Variants in LYL1 observed in about 807,000 individuals in gnomAD.
LYL1 encodes the protein protein lyl-1.
A neutral mutation model predicts 11.1 loss-of-function variants in LYL1; 4 were observed. The observed-to-expected ratio is 0.36, with a 90% CI of 0.18 to 0.82. LYL1 has a LOEUF of 0.82. LYL1 is among the 40% of genes least tolerant of loss of function. LYL1 has a pLI of 0.49. For missense variants in LYL1, 356 were observed against 397.6 expected, an observed-to-expected ratio of 0.90 and a Z score of 0.89; for synonymous variants, 179 against 174.8, an observed-to-expected ratio of 1.02 and a Z score of -0.19.
rs1173447565 is a variant in LYL1 at position 13,099,668 on chromosome 19, T to A, written c.494A>T (p.Asn165Ile). ...CAGCTCGGCGAAGGCGCCGTTAACG[T>A]TCTGCTGCCGCCAGCGCTCCCGGCT... ...TNSRERWRQQ[N>I]VNGAFAELRK... is the part of the protein sequence containing the mutation. The change falls in exon 4 of 4, where the codon AAC becomes ATC. Residue 165 changes from asparagine (N) to isoleucine (I), a missense_variant. Physicochemically the swap from Asn to Ile is moderately radical, Grantham distance 149 (BLOSUM62 -3). Coordinates refer to ENST00000264824, the MANE Select transcript of LYL1 (RefSeq NM_005583.5). This position sits in a 1 kb window ranked among gnomAD's most constrained non-coding sequence, Gnocchi z 5.3. 3 of 1,547,944 alleles carry A rather than the reference T, an allele frequency of 1.9e-6. No homozygotes were observed. The highest frequency in any genetic ancestry group is 2.6e-6 in the Non-Finnish European group (3 of 1,146,436).
Position 13,101,186 on chromosome 19 carries a change from G to A in LYL1, c.-15C>T, listed in dbSNP as rs1314218592. On this transcript the variant is annotated 5_prime_UTR_variant, in exon 2 of 4. Coordinates refer to ENST00000264824, the MANE Select transcript of LYL1 (RefSeq NM_005583.5). The surrounding 1 kb of genome is among the most constrained non-coding windows in gnomAD (Gnocchi z 5.1). ...GGCGGGCACATGGACCCCGACGTGG[G>A]GGTACTCACCTGTGGGAAAGAAGGC... 9.2e-6 allele frequency: 13 copies of A among 1,414,826 alleles called. No homozygotes were observed. The highest frequency in any genetic ancestry group is 1.2e-5 in the Non-Finnish European group (13 of 1,079,590). 87.6% of individuals were successfully genotyped at this position (1,414,826 alleles called of 1,614,324 possible).
At position 13,099,205 on chromosome 19, in the gene LYL1, C is replaced by A; in HGVS notation, c.*114G>T. The A allele has an allele frequency of 2.0e-6, 2 of 1,012,874 alleles. No individual in the cohort carries two copies. The highest frequency in any genetic ancestry group is 2.5e-6 in the Non-Finnish European group (2 of 790,414). The allele number at this position is 1,012,874 out of a possible 1,614,324, so 62.7% of individuals were successfully genotyped here. A position where few individuals can be genotyped will look rare whatever the true frequency, so the allele number is the denominator to read the frequency against. ...CCTTGCCCCTGACGTCTTCACTGGT[C>A]CTTCTTCGGGGGAGTTCGCTCCCGA... On this transcript the variant is annotated 3_prime_UTR_variant, in exon 4 of 4. Coordinates refer to ENST00000264824, the MANE Select transcript of LYL1 (RefSeq NM_005583.5). This position sits in a 1 kb window ranked among gnomAD's most constrained non-coding sequence, Gnocchi z 5.3.
chr19:13,101,298 G>C lies in LYL1; in HGVS notation c.-24-103C>G. 4.7e-6 allele frequency: 2 copies of C among 429,158 alleles called. No individual in the cohort carries two copies. The highest frequency in any genetic ancestry group is 3.7e-5 in the East Asian group (1 of 27,178). The allele number at this position is 429,158 out of a possible 1,614,324, so 26.6% of individuals were successfully genotyped here. A position where few individuals can be genotyped will look rare whatever the true frequency, so the allele number is the denominator to read the frequency against. On this transcript the variant is annotated intron_variant, in intron 1 of 3. Coordinates refer to ENST00000264824, the MANE Select transcript of LYL1 (RefSeq NM_005583.5). This position sits in a 1 kb window ranked among gnomAD's most constrained non-coding sequence, Gnocchi z 5.1. ...AATGGGAAGGAGGGAGGGGGAGGGG[G>C]AAAGGAGGAGGAGAGAAGTTTCAGT...
At chr19:13,100,508 G>A in intron 3 of LYL1, 149 bp downstream of exon 3, 1 of 791,324 alleles carries the variant, frequency 1.3e-6, no homozygotes, top group East Asian at 2.4e-5. Flanking sequence ...ACCTATGTGG[G>A]CTGTTCTCTG....
rs754740746 is a variant in LYL1, at chr19:13,099,542, C to T, written c.620G>A (p.Arg207His). The T allele has an allele frequency of 1.1e-5, 16 of 1,512,454 alleles. No homozygotes were observed. The South Asian group carries it at 1.9e-4, about 18-fold the overall frequency. 93.7% of individuals were successfully genotyped at this position (1,512,454 alleles called of 1,614,324 possible). ...KYIGFLVRLL[R>H]DQAAALAAGP... The stretch of plus-strand genomic sequence containing the variant: ...TGCGGCCAGAGCTGCGGCTTGGTCG[C>T]GCAGCAGCCGCACCAGGAAGCCGAT... The change falls in exon 4 of 4, where the codon CGC becomes CAC. Residue 207 changes from arginine to histidine, a missense_variant. Arg to His is a conservative substitution (Grantham distance 29). Transcript: ENST00000264824. The surrounding 1 kb of genome is among the most constrained non-coding windows in gnomAD (Gnocchi z 5.3).
chr19:13,100,716 A>T lies in LYL1; in HGVS notation c.368T>A (p.Ile123Asn). Residue 123 changes from isoleucine (I) to asparagine (N), a missense_variant, in exon 3 of 4, where the codon ATC (isoleucine) becomes AAC (asparagine). Coordinates refer to ENST00000264824, the MANE Select transcript of LYL1 (RefSeq NM_005583.5). ...CCGCTTCAACCGGCTGCTAGGGAAG[A>T]TGCTAAAAGGTCCTGCTGGCCCAAT... ...VYIGPAGPFS[I>N]FPSSRLKRRP... 1 of 1,614,206 alleles carries T rather than the reference A, an allele frequency of 6.2e-7. No individual in the cohort carries two copies. The highest frequency in any genetic ancestry group is 8.5e-7 in the Non-Finnish European group (1 of 1,180,030).
At position 13,101,199 on chromosome 19, in the gene LYL1, T is replaced by G. The variant is rs1599909529; in HGVS notation, c.-24-4A>C. On this transcript the variant is annotated splice_polypyrimidine_tract_variant and splice_region_variant and intron_variant, in intron 1 of 3. Transcript: ENST00000264824. This position sits in a 1 kb window ranked among gnomAD's most constrained non-coding sequence, Gnocchi z 5.1. ...ACCCCGACGTGGGGGTACTCACCTG[T>G]GGGAAAGAAGGCAGCCAGTGGGGAG... 1 of 1,330,546 alleles carries G rather than the reference T, an allele frequency of 7.5e-7. No homozygotes were observed. The allele number at this position is 1,330,546 out of a possible 1,614,324, so 82.4% of individuals were successfully genotyped here. A position where few individuals can be genotyped will look rare whatever the true frequency, so the allele number is the denominator to read the frequency against.
In LYL1 at chr19:13,099,655, G is replaced by T. The variant is rs746073886; in HGVS notation, c.507C>A (p.Ala169=). ...ERWRQQNVNG[A]FAELRKLLPT... Reference sequence around the variant, plus strand: ...GCAGCAGCTTCCTCAGCTCGGCGAAGGCGCCGTTAACGTTCTGCTGCCGCC... The same window carrying T: ...GCAGCAGCTTCCTCAGCTCGGCGAATGCGCCGTTAACGTTCTGCTGCCGCC... Residue 169 remains alanine, a synonymous_variant, in exon 4 of 4, where the codon GCC becomes GCA. Coordinates refer to ENST00000264824, the MANE Select transcript of LYL1 (RefSeq NM_005583.5). This position sits in a 1 kb window ranked among gnomAD's most constrained non-coding sequence, Gnocchi z 5.3. 18 of 1,553,528 alleles carry T rather than the reference G, an allele frequency of 1.2e-5. No homozygotes were observed. The South Asian group carries it at 2.0e-4, about 18-fold the overall frequency.
At position 13,099,450 on chromosome 19, in the gene LYL1, C is replaced by T; in HGVS notation, c.712G>A (p.Gly238Arg). The change falls in exon 4 of 4, where the codon GGA becomes AGA. Residue 238 changes from glycine (G) to arginine (R), a missense_variant. Coordinates refer to ENST00000264824, the MANE Select transcript of LYL1 (RefSeq NM_005583.5). The surrounding 1 kb of genome is among the most constrained non-coding windows in gnomAD (Gnocchi z 5.3). ...HRVPDDGARR[G>R]SGRRAEAAAR... ...GCCGCCTCGGCCCTGCGTCCGGATCCCCGGCGGGCGCCGTCGTCTGGGACC... is the reference window on the plus strand; with the variant it reads ...GCCGCCTCGGCCCTGCGTCCGGATCTCCGGCGGGCGCCGTCGTCTGGGACC... The T allele has an allele frequency of 8.0e-7, 1 of 1,257,102 alleles. No individual in the cohort carries two copies. Among genetic ancestry groups the T allele is most frequent in the Non-Finnish European group, 1.0e-6 (1 of 994,906 alleles). 77.9% of individuals were successfully genotyped at this position (1,257,102 alleles called of 1,614,324 possible). A position where few individuals can be genotyped will look rare whatever the true frequency, so the allele number is the denominator to read the frequency against.
rs781499400 is a variant in LYL1, at chr19:13,099,652, G to C, written c.510C>G (p.Phe170Leu). 6.4e-7 allele frequency: 1 copy of C among 1,553,376 alleles called. No homozygotes were observed. Among genetic ancestry groups the C allele is most frequent in the African/African-American group, 1.4e-5 (1 of 73,348 alleles). The change falls in exon 4 of 4, where the codon TTC becomes TTG. Residue 170 changes from phenylalanine to leucine, a missense_variant. Transcript: ENST00000264824. The surrounding 1 kb of genome is among the most constrained non-coding windows in gnomAD (Gnocchi z 5.3). ...RWRQQNVNGA[F>L]AELRKLLPTH... ...TCGGCAGCAGCTTCCTCAGCTCGGC[G>C]AAGGCGCCGTTAACGTTCTGCTGCC...
rs1233279438 is a variant in LYL1, at chr19:13,102,794, C to G, written c.-288G>C. 3 of 152,622 alleles carry G rather than the reference C, an allele frequency of 2.0e-5. No individual in the cohort carries two copies. The highest frequency in any genetic ancestry group is 2.9e-5 in the Non-Finnish European group (2 of 68,320). The allele number at this position is 152,622 out of a possible 1,614,324, so 9.5% of individuals were successfully genotyped here. A position where few individuals can be genotyped will look rare whatever the true frequency, so the allele number is the denominator to read the frequency against. Reference sequence around the variant, plus strand: ...CGCCTTCTCCCCGCCCCCGGCGGCCCGGTTTCCTCCCTCTCACCCCTGGCG... The same window carrying G: ...CGCCTTCTCCCCGCCCCCGGCGGCCGGGTTTCCTCCCTCTCACCCCTGGCG... On this transcript the variant is annotated 5_prime_UTR_variant, in exon 1 of 4. Coordinates refer to ENST00000264824, the MANE Select transcript of LYL1 (RefSeq NM_005583.5). This position sits in a 1 kb window ranked among gnomAD's most constrained non-coding sequence, Gnocchi z 4.9.
chr19:13,100,539 C>T (rs2018670395), intron 3 of LYL1, 118 bp downstream of exon 3: 1 of 957,486 alleles, frequency 1.0e-6, no homozygotes, highest in Non-Finnish European at 1.7e-6. Context: ...AAGCACGTCT[C>T]CCCGAGGTGG....
rs1410432254 is a variant in LYL1 at position 13,102,462 on chromosome 19, A to T, written c.-25+69T>A. The T allele has an allele frequency of 5.5e-6, 1 of 183,222 alleles. No individual in the cohort carries two copies. Among genetic ancestry groups the T allele is most frequent in the Non-Finnish European group, 1.2e-5 (1 of 86,122 alleles). 11.3% of individuals were successfully genotyped at this position (183,222 alleles called of 1,614,324 possible). ...TGCTGGTGAATGAATGAATGAAGGA[A>T]TGAACAAAGGAATGCAGGCTGGGTC... On this transcript the variant is annotated intron_variant, in intron 1 of 3. Coordinates refer to ENST00000264824, the MANE Select transcript of LYL1 (RefSeq NM_005583.5). The surrounding 1 kb of genome is among the most constrained non-coding windows in gnomAD (Gnocchi z 4.9).
rs2018696156 is a variant in LYL1 at position 13,102,255 on chromosome 19, C to T, written c.-25+276G>A. On this transcript the variant is annotated intron_variant, in intron 1 of 3. Coordinates refer to ENST00000264824, the MANE Select transcript of LYL1 (RefSeq NM_005583.5). This position sits in a 1 kb window ranked among gnomAD's most constrained non-coding sequence, Gnocchi z 4.9. ...TCAGCCTCCCAAAGTGCTGGGATTA[C>T]AGGCATGCACCACAATGCCCCGCGA... 4.9e-6 allele frequency: 1 copy of T among 202,722 alleles called. No homozygotes were observed. The highest frequency in any genetic ancestry group is 1.9e-4 in the South Asian group (1 of 5,290). The allele number at this position is 202,722 out of a possible 1,614,324, so 12.6% of individuals were successfully genotyped here. A position where few individuals can be genotyped will look rare whatever the true frequency, so the allele number is the denominator to read the frequency against.
Position 13,101,040 on chromosome 19 carries a change from C to T in LYL1, c.132G>A (p.Glu44=), listed in dbSNP as rs765299335. 1.3e-6 allele frequency: 2 copies of T among 1,482,690 alleles called. No homozygotes were observed. The highest frequency in any genetic ancestry group is 2.5e-5 in the Admixed American group (1 of 39,326). 91.8% of individuals were successfully genotyped at this position (1,482,690 alleles called of 1,614,324 possible). The stretch of plus-strand genomic sequence containing the variant: ...GCGAGGAGCCTCCTCGGTGGCCCAC[C>T]TCCTCCACCTGCGGGGGCCCAGGCG... ...PASPGPPQVE[E]VGHRGGSSPP... Residue 44 remains glutamate (E), a synonymous_variant, in exon 2 of 4, where the codon GAG becomes GAA. Transcript: ENST00000264824. This position sits in a 1 kb window ranked among gnomAD's most constrained non-coding sequence, Gnocchi z 5.1.
At position 13,101,369 on chromosome 19, in the gene LYL1, C is replaced by T. The variant is rs1035546446; in HGVS notation, c.-24-174G>A. 7 of 404,306 alleles carry T rather than the reference C, an allele frequency of 1.7e-5. No individual in the cohort carries two copies. Among genetic ancestry groups the T allele is most frequent in the Admixed American group, 4.3e-5 (1 of 23,176 alleles). The allele number at this position is 404,306 out of a possible 1,614,324, so 25.0% of individuals were successfully genotyped here. A position where few individuals can be genotyped will look rare whatever the true frequency, so the allele number is the denominator to read the frequency against. ...GGCAGGCCCAGAAACTTCCAGGACA[C>T]GGGAGGGGGGTCCTACGTTAGAGTA... On this transcript the variant is annotated intron_variant, in intron 1 of 3. Transcript: ENST00000264824. The surrounding 1 kb of genome is among the most constrained non-coding windows in gnomAD (Gnocchi z 5.1).
intron 3 of LYL1, among the ~76,000 whole-genome samples, 168 bp downstream of exon 3, chr19:13,100,489 A>G (rs1285076674): frequency 6.6e-6 from 1 of 152,156 alleles, no homozygotes; most frequent in Non-Finnish European, 1.5e-5. Context: ...GATTTTGCAC[A>G]TGGGTAGAAC....
In LYL1 at chr19:13,101,201, G is replaced by A; in HGVS notation, c.-24-6C>T. 1 of 1,321,758 alleles carries A rather than the reference G, an allele frequency of 7.6e-7. No individual in the cohort carries two copies. Among genetic ancestry groups the A allele is most frequent in the Non-Finnish European group, 9.9e-7 (1 of 1,005,564 alleles). The allele number at this position is 1,321,758 out of a possible 1,614,324, so 81.9% of individuals were successfully genotyped here. ...CCCGACGTGGGGGTACTCACCTGTGGGAAAGAAGGCAGCCAGTGGGGAGGA... is the reference window on the plus strand; with the variant it reads ...CCCGACGTGGGGGTACTCACCTGTGAGAAAGAAGGCAGCCAGTGGGGAGGA... On this transcript the variant is annotated splice_polypyrimidine_tract_variant and splice_region_variant and intron_variant, in intron 1 of 3. Coordinates refer to ENST00000264824, the MANE Select transcript of LYL1 (RefSeq NM_005583.5). This position sits in a 1 kb window ranked among gnomAD's most constrained non-coding sequence, Gnocchi z 5.1.
At position 13,102,520 on chromosome 19, in the gene LYL1, T is replaced by C. The variant is rs2018700704; in HGVS notation, c.-25+11A>G. ...CGGGATCCTCCACCTTTAGGCCCGC[T>C]CCCCTCTTACCCCAGCACTGTTCTT... On this transcript the variant is annotated intron_variant, in intron 1 of 3. Transcript: ENST00000264824. This position sits in a 1 kb window ranked among gnomAD's most constrained non-coding sequence, Gnocchi z 4.9. 1.7e-5 allele frequency: 3 copies of C among 177,726 alleles called. No homozygotes were observed. The highest frequency in any genetic ancestry group is 2.4e-5 in the Non-Finnish European group (2 of 82,658). The allele number at this position is 177,726 out of a possible 1,614,324, so 11.0% of individuals were successfully genotyped here. A position where few individuals can be genotyped will look rare whatever the true frequency, so the allele number is the denominator to read the frequency against.
Sources: allele counts gnomAD v4.1 joint callset (sites outside exome capture counted in the v4.1 genomes callset), GRCh38; gene constraint gnomAD v4.1.1; non-coding constraint Gnocchi (gnomAD v3.1); transcripts MANE v1.5; gene names NCBI Gene and HGNC (gene_info 2026-07-23, HGNC 2026-07-21).